The following KDM4C variants were observed in gnomAD, a reference collection of about 807,000 sequenced individuals.
KDM4C encodes the protein lysine-specific demethylase 4C.
A neutral mutation model predicts 129.3 loss-of-function variants in KDM4C; 81 were observed. The ratio of observed to expected loss-of-function variants is 0.63; its 90% CI spans 0.52 to 0.75. The LOEUF is 0.75. Ranked by LOEUF, KDM4C falls within the 30% of genes least tolerant of loss-of-function variation. The pLI is 0.00. For synonymous variants in KDM4C, 573 were observed against 456.1 expected, an observed-to-expected ratio of 1.26 and a Z score of -3.26; for missense variants, 1,457 against 1,304.0, an observed-to-expected ratio of 1.12 and a Z score of -1.81.
At chr9:7,140,931 A>T (rs529346343) in intron 19 of KDM4C, among the ~76,000 whole-genome samples, 1 of 152,346 alleles carries the variant, frequency 6.6e-6, no homozygotes, top group East Asian at 1.9e-4. Flanking sequence ...CTGAATGAAG[A>T]TCTGTAAGGT....
intron 8 of KDM4C, among the ~76,000 whole-genome samples, chr9:6,972,285 ATATC>A (rs1832127718): frequency 6.6e-6 from 1 of 151,836 alleles, no homozygotes; most frequent in African/African-American, 2.4e-5. Context: ...ATGTATATAA[ATATC>A]TGTGTATGTG....
chr9:7,029,620 G>A (rs1445400082), intron 15 of KDM4C, among the ~76,000 whole-genome samples: 2 of 151,836 alleles, frequency 1.3e-5, no homozygotes, highest in Admixed American at 6.6e-5. Flanking sequence ...AAACAAAAAG[G>A]AATGTGTGTA....
intron 2 of KDM4C, among the ~76,000 whole-genome samples, chr9:6,794,121 T>A (rs1000291496): frequency 6.6e-6 from 1 of 152,228 alleles, no homozygotes; most frequent in African/African-American, 2.4e-5. Context: ...TCTTTCTGGT[T>A]ATTTGTTCAA....
At chr9:6,771,945 C>G (rs1215265436) in intron 1 of KDM4C, among the ~76,000 whole-genome samples, 2 of 152,196 alleles carry the variant, frequency 1.3e-5, no homozygotes, top group African/African-American at 4.8e-5. Flanking sequence ...AAGCCTCTCC[C>G]CATTCCAGCC....
At chr9:7,103,936 C>A in intron 18 of KDM4C, 66 bp downstream of exon 18, 2 of 1,388,264 alleles carry the variant, frequency 1.4e-6, no homozygotes, top group Non-Finnish European at 2.0e-6. Flanking sequence ...TTTAGACTAC[C>A]TCCCAGACAT....
intron 1 of KDM4C, among the ~76,000 whole-genome samples, chr9:6,746,164 C>A (rs1194971691): frequency 6.6e-6 from 1 of 151,618 alleles, no homozygotes; most frequent in East Asian, 1.9e-4. Context: ...TGGTCTCACA[C>A]TCCTGACCTC....
At chr9:7,154,205 A>G (rs1303876162) in intron 19 of KDM4C, among the ~76,000 whole-genome samples, 2 of 152,158 alleles carry the variant, frequency 1.3e-5, no homozygotes, top group African/African-American at 2.4e-5. Flanking sequence ...CCACTATGAT[A>G]CTTACGTGGC....
At chr9:7,144,570 A>G (rs1050151094) in intron 19 of KDM4C, among the ~76,000 whole-genome samples, 2 of 152,236 alleles carry the variant, frequency 1.3e-5, no homozygotes, top group Non-Finnish European at 2.9e-5. Flanking sequence ...GTAGGGGAGA[A>G]CAGCCATAGG....
rs373386510 is a variant in KDM4C, at chr9:6,852,092, G to C, written c.629+2392G>C. 4.6e-5 allele frequency among the ~76,000 whole-genome samples: 7 copies of C among 152,220 alleles called. No individual in the cohort carries two copies. The East Asian group carries it at 9.6e-4, about 21-fold the overall frequency. ...ACTATTTCCTAAGATAACTACTGTA[G>C]GAAGAGAGTGTTATAAATGCCCCTA... On this transcript the variant is annotated intron_variant, in intron 5 of 21. Transcript: ENST00000381309.
chr9:7,041,782 T>C (rs533931995), intron 15 of KDM4C, among the ~76,000 whole-genome samples: 1 of 152,174 alleles, frequency 6.6e-6, no homozygotes, highest in South Asian at 2.1e-4. Flanking sequence ...GATTAGGACT[T>C]TCCCTTCTGC....
intron 17 of KDM4C, among the ~76,000 whole-genome samples, chr9:7,085,028 G>T (rs976264958): frequency 1.3e-5 from 2 of 152,240 alleles, no homozygotes; most frequent in Non-Finnish European, 2.9e-5. Flanking sequence ...AGATCAGTAG[G>T]TGTGGCCAAG....
intron 1 of KDM4C, among the ~76,000 whole-genome samples, chr9:6,738,026 C>T (rs546014138): frequency 1.3e-5 from 2 of 151,522 alleles, no homozygotes; most frequent in African/African-American, 4.9e-5. Context: ...TCTAGCTACT[C>T]AGGAGGCTGG....
intron 5 of KDM4C, among the ~76,000 whole-genome samples, chr9:6,871,676 A>G (rs1264907057): frequency 2.0e-5 from 3 of 152,384 alleles, no homozygotes; most frequent in African/African-American, 7.2e-5. Flanking sequence ...AAAAAGGTGC[A>G]AAGTACATTC....
rs1354711155 is a variant in KDM4C at position 6,806,878 on chromosome 9, G to GTCTCCGTCTCCGTCTCCCTCTCCC, written c.320+1109_320+1110insGTCTCCGTCTCCCTCTCCCTCTCC. On this transcript the variant is annotated intron_variant, in intron 3 of 21. Transcript: ENST00000381309. The stretch of plus-strand genomic sequence containing the variant: ...ACTGTTGCTCTCCCTCTCCGTCTCC[G>GTCTCCGTCTCCGTCTCCCTCTCCC]TCTCCCTCTCCCTCTCCCTCTCCCT... Among the ~76,000 whole-genome samples the GTCTCCGTCTCCGTCTCCCTCTCCC allele has an allele frequency of 1.6e-3, 217 of 139,416 alleles. 1 individual carries two copies. Among genetic ancestry groups the GTCTCCGTCTCCGTCTCCCTCTCCC allele is most frequent in the African/African-American group, 6.0e-3 (192 of 32,104 alleles). The allele number at this position is 139,416 out of a possible 152,430, so 91.5% of individuals were successfully genotyped here. A position where few individuals can be genotyped will look rare whatever the true frequency, so the allele number is the denominator to read the frequency against.
intron 8 of KDM4C, among the ~76,000 whole-genome samples, chr9:6,931,608 C>T (rs1274907794): frequency 6.6e-6 from 1 of 152,148 alleles, no homozygotes; most frequent in Non-Finnish European, 1.5e-5. Context: ...TCAATCAGTC[C>T]TTCCACCTCA....
At chr9:6,881,359 A>G (rs972660282) in intron 6 of KDM4C, among the ~76,000 whole-genome samples, 7 of 152,218 alleles carry the variant, frequency 4.6e-5, no homozygotes, top group Non-Finnish European at 8.8e-5. Flanking sequence ...TGTAATTGTA[A>G]TCTTGAACTT....
intron 1 of KDM4C, among the ~76,000 whole-genome samples, chr9:6,789,218 A>AT (rs71308871): frequency 0.46 from 53,393 of 117,256 alleles, 13,066 homozygotes; most frequent in East Asian, 0.65. Context: ...CGCCTGGCTA[A>AT]TTTTTTTTTT....
chr9:7,076,748 A>G (rs541507779), intron 17 of KDM4C: 1 of 1,162,002 alleles, frequency 8.6e-7, no homozygotes, highest in Non-Finnish European at 1.1e-6. Context: ...ACTTCCTTTG[A>G]TTAATGTACT....
chr9:6,952,413 A>G (rs74386588), intron 8 of KDM4C, among the ~76,000 whole-genome samples: 760 of 59,502 alleles, frequency 0.013, 2 homozygotes, highest in African/African-American at 0.042. Context: ...GTATGTGTGT[A>G]TATATATATA....
Sources: gnomAD v4.1 joint callset for allele counts (sites outside exome capture counted in the v4.1 genomes callset) on GRCh38, gnomAD v4.1.1 for gene constraint, MANE v1.5 for transcripts, NCBI Gene and HGNC (gene_info 2026-07-23, HGNC 2026-07-21) for gene names.